Variants in SETX observed in about 807,000 individuals in gnomAD.
SETX encodes senataxin.
A neutral mutation model predicts 227.2 loss-of-function variants in SETX; 90 were observed. The observed-to-expected ratio is 0.40, with a 90% CI of 0.33 to 0.47. The LOEUF is 0.47. Ranked by LOEUF, SETX falls within the 20% of genes least tolerant of loss-of-function variation. The pLI, the probability that SETX is intolerant of heterozygous loss-of-function variation, is 0.91. For synonymous variants in SETX, 1,210 were observed against 1,113.2 expected (o/e 1.09, Z -1.73); for missense variants, 3,052 against 3,181.5 (o/e 0.96, Z 0.98).
rs138030873 is a variant in SETX at position 132,343,412 on chromosome 9, T to C, written c.389-613A>G. Among the ~76,000 whole-genome samples, 60 of 152,250 alleles carry C rather than the reference T, an allele frequency of 3.9e-4. 1 individual carries two copies. In the East Asian group the frequency reaches 0.011, roughly 27 times the overall value. On this transcript the variant is annotated intron_variant, in intron 4 of 25. Coordinates refer to ENST00000224140, the MANE Select transcript of SETX (RefSeq NM_015046.7). ...GTATAAAGGACCTGTAACCATATGGTTATAGGTCCAACTCCATTTGTATCT... is the reference window on the plus strand; with the variant it reads ...GTATAAAGGACCTGTAACCATATGGCTATAGGTCCAACTCCATTTGTATCT...
rs913240575 is a variant in SETX at position 132,285,766 on chromosome 9, G to C, written c.6396+657C>G. Among the ~76,000 whole-genome samples the C allele has an allele frequency of 1.6e-4, 24 of 150,470 alleles. 1 individual carries two copies. The highest frequency in any genetic ancestry group is 5.8e-4 in the African/African-American group (23 of 39,972). On this transcript the variant is annotated intron_variant, in intron 18 of 25. Transcript: ENST00000224140. ...GTGGTGGCGCACACCTGTAGTCCCA[G>C]CTACTCGGGAGGCTGAGGCAGGAGA... is the stretch of plus-strand genomic sequence containing the variant.
At chr9:132,344,848 C>A (rs113774285) in intron 4 of SETX, among the ~76,000 whole-genome samples, 1 of 142,604 alleles carries the variant, frequency 7.0e-6, no homozygotes. Flanking sequence ...GCACTCCAGC[C>A]TGGGCGACAG....
chr9:132,335,152 A>T (rs1216375468), intron 6 of SETX, among the ~76,000 whole-genome samples: 2 of 152,024 alleles, frequency 1.3e-5, no homozygotes, highest in Non-Finnish European at 2.9e-5. Flanking sequence ...GCACTTTGGG[A>T]GGCCAAGGCG....
At chr9:132,341,650 G>A (rs1847972688) in intron 5 of SETX, among the ~76,000 whole-genome samples, 1 of 151,050 alleles carries the variant, frequency 6.6e-6, no homozygotes, top group Non-Finnish European at 1.5e-5. Context: ...TCCTCCATAT[G>A]TAAACAGCTT....
At chr9:132,298,013 C>T in intron 13 of SETX, 67 bp downstream of exon 13, 1 of 1,307,342 alleles carries the variant, frequency 7.6e-7, no homozygotes, top group Non-Finnish European at 1.1e-6. Context: ...GAATACATAG[C>T]AGCTAAAAAA....
chr9:132,279,949 A>G (rs1843402995), intron 20 of SETX, among the ~76,000 whole-genome samples: 1 of 152,224 alleles, frequency 6.6e-6, no homozygotes, highest in South Asian at 2.1e-4. Context: ...AAACATATAC[A>G]TGTATACAAA....
In SETX at chr9:132,269,602, C is replaced by G. The variant is rs1842799772; in HGVS notation, c.7287+13G>C. On this transcript the variant is annotated intron_variant, in intron 25 of 25. Transcript: ENST00000224140. ...GTAACAATGGGTAAACTTCTGAGCTCTCTGGTACCTACCATCAGGGTCCTC... is the reference window on the plus strand; with the variant it reads ...GTAACAATGGGTAAACTTCTGAGCTGTCTGGTACCTACCATCAGGGTCCTC... The G allele has an allele frequency of 6.2e-7, 1 of 1,613,872 alleles. No homozygotes were observed. The highest frequency in any genetic ancestry group is 1.3e-5 in the African/African-American group (1 of 74,928).
chr9:132,335,259 C>T (rs542292520), intron 6 of SETX, among the ~76,000 whole-genome samples: 3,382 of 151,532 alleles, frequency 0.022, 124 homozygotes, highest in African/African-American at 0.076. Context: ...GGCGTGGTGG[C>T]AGGCGCCTGT....
At chr9:132,312,169 T>C (rs1442824333) in intron 10 of SETX, among the ~76,000 whole-genome samples, 24 of 152,184 alleles carry the variant, frequency 1.6e-4, no homozygotes, top group Admixed American at 1.5e-3. Context: ...ATGTGGAGCA[T>C]TTCCAGCAGT....
chr9:132,333,211 T>C (rs1438534216), intron 7 of SETX, among the ~76,000 whole-genome samples: 1 of 150,466 alleles, frequency 6.6e-6, no homozygotes, highest in African/African-American at 2.4e-5. Context: ...AAACACCATC[T>C]CTACTAAAAA....
At position 132,264,538 on chromosome 9, in the gene SETX, C is replaced by T. The variant is rs144121978; in HGVS notation, c.7735G>A (p.Val2579Ile). The change falls in exon 26 of 26, where the codon GTC becomes ATC. Residue 2579 changes from valine to isoleucine, a missense_variant. This residue lies in a region of SETX where 294 missense variants were observed against 278.8 expected (regional missense o/e 1.05). Transcript: ENST00000224140. ...ATATGGCTCAGGTCCTGGTGAACGA[C>T]AGGGAAGCCCGGCTCGCCCGTAGGA... Reference protein sequence around the residue: ...TPPTGEPGFPVVHQDLSHIQQ... With the variant: ...TPPTGEPGFPIVHQDLSHIQQ... The T allele has an allele frequency of 7.9e-5, 128 of 1,613,874 alleles. No homozygotes were observed. Among genetic ancestry groups the T allele is most frequent in the Non-Finnish European group, 1.0e-4 (121 of 1,179,982 alleles).
At chr9:132,315,805 T>C (rs377177964) in intron 10 of SETX, among the ~76,000 whole-genome samples, 2 of 152,198 alleles carry the variant, frequency 1.3e-5, no homozygotes, top group South Asian at 2.1e-4. Context: ...GTCAGGAGTC[T>C]ATGCAAGGCC....
chr9:132,317,144 A>G (rs919928341), intron 10 of SETX, among the ~76,000 whole-genome samples: 7 of 152,216 alleles, frequency 4.6e-5, no homozygotes, highest in African/African-American at 1.7e-4. Context: ...GTTTTCCATA[A>G]GTGTCTCATG....
chr9:132,334,764 A>G (rs547188541), intron 6 of SETX, 37 bp from the exon 7 acceptor site: 16 of 1,609,198 alleles, frequency 9.9e-6, no homozygotes, highest in South Asian at 5.5e-5. Flanking sequence ...AATTGATGAA[A>G]TAATACTATA....
chr9:132,271,440 C>T (rs1842899042), intron 24 of SETX, among the ~76,000 whole-genome samples: 1 of 152,190 alleles, frequency 6.6e-6, no homozygotes, highest in African/African-American at 2.4e-5. Context: ...TAGCACATGC[C>T]TGTAGTCCCA....
chr9:132,340,405 A>T (rs1309282187), intron 5 of SETX, among the ~76,000 whole-genome samples: 2 of 152,128 alleles, frequency 1.3e-5, no homozygotes. Context: ...TCATATGTCT[A>T]TTATTTTTAG....
At chr9:132,334,861 G>C in intron 6 of SETX, 134 bp from the exon 7 acceptor site, 1 of 924,808 alleles carries the variant, frequency 1.1e-6, no homozygotes, top group Non-Finnish European at 1.7e-6. Context: ...TTAAGTCTCA[G>C]ATATTCATAC....
intron 25 of SETX, among the ~76,000 whole-genome samples, chr9:132,268,916 G>A (rs956158931): frequency 1.3e-5 from 2 of 152,170 alleles, no homozygotes; most frequent in African/African-American, 4.8e-5. Context: ...GTATCTGAGC[G>A]CCACCTGGTG....
rs558824259 is a variant in SETX at position 132,344,837 on chromosome 9, T to A, written c.388+1424A>T. ...GTGCAGTGAGCCAAGATCCTGCCAC[T>A]GCACTCCAGCCTGGGCGACAGTGAG... On this transcript the variant is annotated intron_variant, in intron 4 of 25. Transcript: ENST00000224140. Among the ~76,000 whole-genome samples the A allele has an allele frequency of 1.0e-3, 149 of 144,452 alleles. 1 individual carries two copies. The highest frequency in any genetic ancestry group is 1.9e-3 in the Non-Finnish European group (127 of 67,136). 94.8% of individuals were successfully genotyped at this position (144,452 alleles called of 152,430 possible).
Sources: allele counts gnomAD v4.1 joint callset (sites outside exome capture counted in the v4.1 genomes callset), GRCh38; gene constraint gnomAD v4.1.1; regional missense constraint gnomAD v4.1.1; transcripts MANE v1.5; gene names NCBI Gene and HGNC (gene_info 2026-07-23, HGNC 2026-07-21).